TFDP2: variants seen among roughly 807,000 people sequenced by gnomAD.
TFDP2 encodes the protein transcription factor Dp-2 (E2F dimerization partner 2).
TFDP2 carries 17 observed loss-of-function variants against 59.3 expected under a neutral mutation model. That is an observed-to-expected ratio of 0.29 (90% CI 0.20 to 0.43). The LOEUF (loss-of-function observed/expected upper bound fraction) is 0.43, where lower values mean the gene tolerates loss of function less well. Among genes scored for constraint, TFDP2 ranks in the 20% least tolerant of loss-of-function variants. The pLI, the probability that TFDP2 is intolerant of heterozygous loss-of-function variation, is 1.00. For synonymous variants in TFDP2, 180 were observed against 194.7 expected (o/e 0.92, Z 0.63); for missense variants, 391 against 528.8 (o/e 0.74, Z 2.56).
chr3:142,086,845 C>T (rs555701321), intron 3 of TFDP2, among the ~76,000 whole-genome samples: 24 of 152,278 alleles, frequency 1.6e-4, no homozygotes, highest in African/African-American at 5.5e-4. Context: ...TGGTGACTAG[C>T]CCCCATCCAG....
At chr3:141,969,232 GATATAT>G (rs551304839) in intron 9 of TFDP2, among the ~76,000 whole-genome samples, 9 of 65,830 alleles carry the variant, frequency 1.4e-4, no homozygotes, top group Non-Finnish European at 2.5e-4. Flanking sequence ...ATATATATGA[GATATAT>G]ATATATATAA....
chr3:141,955,502 TG>T (rs1936499418), intron 11 of TFDP2, among the ~76,000 whole-genome samples: 1 of 151,928 alleles, frequency 6.6e-6, no homozygotes, highest in African/African-American at 2.4e-5. Flanking sequence ...AGAGGAAAGC[TG>T]GGTGGGGAGA....
rs1243890323 is a variant in TFDP2, at chr3:142,068,555, C to T, written c.82+24506G>A. ...ATGTTTTCAAGTTTGTATGTTGTGT[C>T]ATTATTTCTCACTTTTTTTTTTTTT... On this transcript the variant is annotated intron_variant, in intron 3 of 12. Coordinates refer to ENST00000489671, the MANE Select transcript of TFDP2 (RefSeq NM_001178139.2). Among the ~76,000 whole-genome samples, 4 of 151,844 alleles carry T rather than the reference C, an allele frequency of 2.6e-5. No homozygotes were observed. In the East Asian group the frequency reaches 7.7e-4, roughly 29 times the overall value.
At chr3:141,979,309 A>G (rs1941174508) in intron 6 of TFDP2, among the ~76,000 whole-genome samples, 1 of 152,244 alleles carries the variant, frequency 6.6e-6, no homozygotes, top group African/African-American at 2.4e-5. Flanking sequence ...ATAATACTTG[A>G]TAATGATAAT....
rs1249450053 is a variant in TFDP2, at chr3:142,062,041, C to A, written c.82+31020G>T. 2.0e-5 allele frequency among the ~76,000 whole-genome samples: 3 copies of A among 151,760 alleles called. No individual in the cohort carries two copies. The Admixed American group carries it at 2.0e-4, about 10-fold the overall frequency. On this transcript the variant is annotated intron_variant, in intron 3 of 12. Transcript: ENST00000489671. ...ACCCGAGACGGCAAAATCCACCCCT[C>A]CTCTTCCTACTCCTTCTCAGCCTAC...
chr3:141,974,790 ACTG>A (rs2108027345), intron 7 of TFDP2, among the ~76,000 whole-genome samples: 1 of 152,100 alleles, frequency 6.6e-6, no homozygotes, highest in Admixed American at 6.5e-5. Context: ...TTCCTTGACC[ACTG>A]CTGATCTGCA....
In TFDP2 at chr3:141,974,105, T is replaced by C; in HGVS notation, c.606A>G (p.Lys202=). The part of the protein sequence containing the change: ...MAMNIISKEK[K]EIKWIGLPTN... The stretch of plus-strand genomic sequence containing the variant: ...TAGGCAGGCCAATCCACTTGATTTC[T>C]TTTTTTTCCTTTGAAATTATGTTCA... The change falls in exon 8 of 13, where the codon AAA becomes AAG. Residue 202 remains lysine, a synonymous_variant. Transcript: ENST00000489671. 6.2e-7 allele frequency: 1 copy of C among 1,611,424 alleles called. No individual in the cohort carries two copies. The highest frequency in any genetic ancestry group is 1.1e-5 in the South Asian group (1 of 90,614).
At chr3:142,073,991 C>T (rs1255921518) in intron 3 of TFDP2, among the ~76,000 whole-genome samples, 2 of 152,186 alleles carry the variant, frequency 1.3e-5, no homozygotes, top group Non-Finnish European at 2.9e-5. Context: ...GCAAAACAAT[C>T]ATGACGAAGA....
chr3:142,013,917 A>G (rs1576704640), intron 3 of TFDP2, among the ~76,000 whole-genome samples: 1 of 152,104 alleles, frequency 6.6e-6, no homozygotes, highest in East Asian at 1.9e-4. Flanking sequence ...CATGGCACAG[A>G]CTTTCTGAAA....
chr3:142,083,483 C>T (rs1040366979), intron 3 of TFDP2, among the ~76,000 whole-genome samples: 1 of 152,108 alleles, frequency 6.6e-6, no homozygotes, highest in African/African-American at 2.4e-5. Flanking sequence ...TGACATTCTT[C>T]ACAGAAATAG....
chr3:142,024,892 C>T (rs1399165573), intron 3 of TFDP2, among the ~76,000 whole-genome samples: 4 of 151,920 alleles, frequency 2.6e-5, no homozygotes, highest in East Asian at 1.9e-4. Flanking sequence ...TGGTGGCGGG[C>T]GCCTGTAATC....
chr3:142,026,903 A>G (rs1342811362), intron 3 of TFDP2, among the ~76,000 whole-genome samples: 2 of 152,218 alleles, frequency 1.3e-5, no homozygotes, highest in Middle Eastern at 3.2e-3. Context: ...AAACTGCAAC[A>G]TATCATTTCA....
At chr3:142,023,625 T>A (rs931232198) in intron 3 of TFDP2, among the ~76,000 whole-genome samples, 2 of 152,202 alleles carry the variant, frequency 1.3e-5, no homozygotes, top group African/African-American at 4.8e-5. Flanking sequence ...TATAATACCA[T>A]GCACTAAGTA....
intron 1 of TFDP2, among the ~76,000 whole-genome samples, chr3:142,147,158 CATA>C (rs1232959549): frequency 2.0e-5 from 3 of 151,814 alleles, no homozygotes; most frequent in African/African-American, 4.8e-5. Context: ...CATAATTTTG[CATA>C]ATATTTCCAA....
chr3:142,052,023 G>T (rs1947656278), intron 3 of TFDP2, among the ~76,000 whole-genome samples: 1 of 151,988 alleles, frequency 6.6e-6, no homozygotes, highest in African/African-American at 2.4e-5. Context: ...CTACCCGGGA[G>T]GCTGAGGTGG....
chr3:141,986,305 A>C (rs1444821793), intron 6 of TFDP2, among the ~76,000 whole-genome samples: 2 of 152,236 alleles, frequency 1.3e-5, no homozygotes, highest in Non-Finnish European at 2.9e-5. Context: ...ATAACACATA[A>C]AGAAAAGTAC....
intron 8 of TFDP2, among the ~76,000 whole-genome samples, chr3:141,973,302 C>T (rs1323916603): frequency 1.3e-5 from 2 of 151,470 alleles, no homozygotes; most frequent in Non-Finnish European, 2.9e-5. Flanking sequence ...TTAGTAGAGA[C>T]GGGGTTTTAC....
At chr3:142,096,902 T>A (rs1422910645) in intron 2 of TFDP2, among the ~76,000 whole-genome samples, 1 of 152,226 alleles carries the variant, frequency 6.6e-6, no homozygotes, top group East Asian at 1.9e-4. Context: ...CAAATGATTA[T>A]GTAAATTTAT....
At chr3:142,022,024 T>A (rs115544295) in intron 3 of TFDP2, among the ~76,000 whole-genome samples, 161 of 152,364 alleles carry the variant, frequency 1.1e-3, no homozygotes, top group African/African-American at 3.8e-3. Context: ...ATTGTTCAAT[T>A]TCTCATTTTT....
Sources: allele counts gnomAD v4.1 joint callset (sites outside exome capture counted in the v4.1 genomes callset), GRCh38; gene constraint gnomAD v4.1.1; transcripts MANE v1.5; gene names NCBI Gene and HGNC (gene_info 2026-07-23, HGNC 2026-07-21).